Variants in ADAMTSL1 observed in about 807,000 individuals in gnomAD.
The protein encoded by ADAMTSL1 is ADAMTS like 1, also known as ADAMTS-like protein 1.
In ADAMTSL1, 126 loss-of-function variants were observed where a neutral mutation model predicts 201.8. The ratio of observed to expected loss-of-function variants is 0.62; its 90% CI spans 0.54 to 0.72. The LOEUF (loss-of-function observed/expected upper bound fraction) is 0.72. ADAMTSL1 is among the 30% of genes least tolerant of loss of function. ADAMTSL1 has a pLI of 0.00. For synonymous variants in ADAMTSL1, 1,121 were observed against 903.4 expected, an observed-to-expected ratio of 1.24 and a Z score of -4.32; for missense variants, 2,679 against 2,277.8, an observed-to-expected ratio of 1.18 and a Z score of -3.59.
intron 1 of ADAMTSL1, among the ~76,000 whole-genome samples, chr9:17,950,740 A>C (rs995173306): frequency 1.4e-4 from 22 of 152,236 alleles, no homozygotes; most frequent in African/African-American, 4.6e-4. Flanking sequence ...GTCACAACTG[A>C]AAACAGATGG....
intron 14 of ADAMTSL1, among the ~76,000 whole-genome samples, chr9:18,715,419 G>C (rs13287437): frequency 1.3e-5 from 2 of 151,946 alleles, no homozygotes; most frequent in South Asian, 4.2e-4. Flanking sequence ...TACAAAAATC[G>C]CAAGCATTCT....
chr9:17,974,745 A>G (rs191678675), intron 1 of ADAMTSL1, among the ~76,000 whole-genome samples: 3 of 152,130 alleles, frequency 2.0e-5, no homozygotes, highest in African/African-American at 7.2e-5. Flanking sequence ...ATGTGTGTAT[A>G]TTTGTGTATA....
chr9:18,300,605 T>G (rs1214619264), intron 2 of ADAMTSL1, among the ~76,000 whole-genome samples: 1 of 152,090 alleles, frequency 6.6e-6, no homozygotes, highest in East Asian at 1.9e-4. Flanking sequence ...GAACTTAAAG[T>G]ATTAAAACAA....
chr9:18,637,340 C>T (rs1252609983), intron 6 of ADAMTSL1, among the ~76,000 whole-genome samples: 1 of 152,108 alleles, frequency 6.6e-6, no homozygotes, highest in Non-Finnish European at 1.5e-5. Context: ...ACTCAACTAA[C>T]TCTCCACTCA....
At chr9:18,356,707 C>G (rs911537088) in intron 2 of ADAMTSL1, among the ~76,000 whole-genome samples, 3 of 151,172 alleles carry the variant, frequency 2.0e-5, no homozygotes, top group Non-Finnish European at 4.4e-5. Flanking sequence ...GACATATAAC[C>G]AAAGTCAGGA....
chr9:18,180,238 A>G (rs1196043889), intron 2 of ADAMTSL1, among the ~76,000 whole-genome samples: 1 of 152,206 alleles, frequency 6.6e-6, no homozygotes, highest in African/African-American at 2.4e-5. Flanking sequence ...AGTCTCCGAT[A>G]AAACAGACTT....
chr9:18,511,980 G>T (rs960208785), intron 2 of ADAMTSL1, among the ~76,000 whole-genome samples: 1 of 152,016 alleles, frequency 6.6e-6, no homozygotes, highest in Non-Finnish European at 1.5e-5. Flanking sequence ...TCTTCATCTG[G>T]TGTTATATGT....
intron 1 of ADAMTSL1, among the ~76,000 whole-genome samples, chr9:18,024,953 G>A (rs747909208): frequency 1.2e-4 from 18 of 151,954 alleles, no homozygotes; most frequent in Non-Finnish European, 2.1e-4. Flanking sequence ...CTTAACAATA[G>A]CCATTCTGAC....
At chr9:18,517,905 C>T (rs886617053) in intron 2 of ADAMTSL1, among the ~76,000 whole-genome samples, 17 of 152,114 alleles carry the variant, frequency 1.1e-4, no homozygotes, top group South Asian at 4.2e-4. Flanking sequence ...GATGTGAGGC[C>T]GAAAGTTCTT....
In ADAMTSL1 at chr9:18,355,434, T is replaced by G. The variant is rs183128263; in HGVS notation, c.208-149395T>G. Among the ~76,000 whole-genome samples the G allele has an allele frequency of 7.9e-5, 12 of 152,310 alleles. No homozygotes were observed. In the East Asian group the frequency reaches 1.9e-3, roughly 25 times the overall value. ...GCTGACTCAAAGATTGGAGGTGATA[T>G]TTTCATCCCTCTCAGTTGTCATTCC... On this transcript the variant is annotated intron_variant, in intron 2 of 29. Coordinates refer to the ADAMTSL1 transcript ENST00000680146.
chr9:18,902,434 C>A (rs1427121864), intron 26 of ADAMTSL1, among the ~76,000 whole-genome samples: 1 of 151,720 alleles, frequency 6.6e-6, no homozygotes, highest in Non-Finnish European at 1.5e-5. Context: ...GGGAAGGAAA[C>A]TAGAAGTCAA....
intron 2 of ADAMTSL1, among the ~76,000 whole-genome samples, chr9:18,317,784 C>T (rs1834462981): frequency 6.6e-6 from 1 of 152,172 alleles, no homozygotes; most frequent in South Asian, 2.1e-4. Context: ...TCCATCAAAA[C>T]AGTTGGGACA....
intron 1 of ADAMTSL1, among the ~76,000 whole-genome samples, chr9:18,029,755 C>G (rs997012821): frequency 2.0e-5 from 3 of 152,220 alleles, no homozygotes; most frequent in African/African-American, 7.2e-5. Context: ...ATAGACACTT[C>G]TCAAAAGAAG....
intron 1 of ADAMTSL1, among the ~76,000 whole-genome samples, chr9:18,031,571 T>C (rs1293742358): frequency 6.6e-6 from 1 of 152,180 alleles, no homozygotes; most frequent in Non-Finnish European, 1.5e-5. Flanking sequence ...TACATACTTC[T>C]TTTATATCTT....
intron 1 of ADAMTSL1, among the ~76,000 whole-genome samples, chr9:18,132,247 C>T (rs1378151968): frequency 6.6e-6 from 1 of 152,172 alleles, no homozygotes; most frequent in Non-Finnish European, 1.5e-5. Context: ...TCCTTCATCT[C>T]CTACATCCTG....
At chr9:18,753,264 G>A (rs942120703) in intron 15 of ADAMTSL1, 34 bp from the exon 16 acceptor site, 2 of 1,578,150 alleles carry the variant, frequency 1.3e-6, no homozygotes, top group Non-Finnish European at 1.7e-6. Flanking sequence ...CAGGTACTAA[G>A]GGTGTGTCCT....
chr9:18,404,597 C>T (rs1003793421), intron 2 of ADAMTSL1, among the ~76,000 whole-genome samples: 8 of 152,198 alleles, frequency 5.3e-5, no homozygotes, highest in East Asian at 1.9e-4. Flanking sequence ...TTCTCCCAGC[C>T]GGCCTAAGCA....
At chr9:18,013,934 G>T (rs1820153573) in intron 1 of ADAMTSL1, among the ~76,000 whole-genome samples, 1 of 151,216 alleles carries the variant, frequency 6.6e-6, no homozygotes, top group Admixed American at 6.6e-5. Flanking sequence ...TCATCATTCT[G>T]TAACTATGGT....
At chr9:18,437,603 A>C (rs1819795920) in intron 2 of ADAMTSL1, among the ~76,000 whole-genome samples, 2 of 152,110 alleles carry the variant, frequency 1.3e-5, no homozygotes, top group African/African-American at 2.4e-5. Context: ...GCTTCTAGCT[A>C]ACTGGCTTTC....
Sources: allele counts gnomAD v4.1 joint callset (sites outside exome capture counted in the v4.1 genomes callset), GRCh38; gene constraint gnomAD v4.1.1; transcripts MANE v1.5; gene names NCBI Gene and HGNC (gene_info 2026-07-23, HGNC 2026-07-21).